RABL2A: variants seen among roughly 807,000 people sequenced by gnomAD.
RABL2A encodes RAB, member of RAS oncogene family like 2A.
A neutral mutation model predicts 30.7 loss-of-function variants in RABL2A; 17 were observed. The observed-to-expected ratio is 0.55, with a 90% CI of 0.38 to 0.83. RABL2A has a LOEUF of 0.83. Among genes scored for constraint, RABL2A ranks in the 40% least tolerant of loss-of-function variants. The pLI is 0.00. For missense variants in RABL2A, 155 were observed against 272.6 expected (o/e 0.57, Z 3.04); for synonymous variants, 64 against 101.8 (o/e 0.63, Z 2.24).
intron 5 of RABL2A, among the ~76,000 whole-genome samples, chr2:113,636,717 G>A (rs1181747726): frequency 2.6e-5 from 4 of 152,178 alleles, no homozygotes; most frequent in East Asian, 1.9e-4. Flanking sequence ...GGCCGGGTGC[G>A]GTGGCTCACG....
At chr2:113,636,083 G>A (rs1436120986) in intron 5 of RABL2A, among the ~76,000 whole-genome samples, 2 of 151,348 alleles carry the variant, frequency 1.3e-5, no homozygotes, top group African/African-American at 4.9e-5. Context: ...ACTCCAGCCT[G>A]GGCAACAAGA....
At chr2:113,627,753 A>C (rs1414523972) in intron 1 of RABL2A, 2 of 248,282 alleles carry the variant, frequency 8.1e-6, no homozygotes, top group African/African-American at 4.6e-5. Context: ...ACTGCACTCC[A>C]GCCTGGGCGA....
At chr2:113,634,622 C>T (rs1288645870) in intron 4 of RABL2A, 7 of 404,566 alleles carry the variant, frequency 1.7e-5, no homozygotes, top group East Asian at 5.6e-5. Flanking sequence ...TCTCCCACAT[C>T]GGGCTGCGAC....
rs1685706896 is a variant in RABL2A at position 113,643,033 on chromosome 2, A to G, written c.*904A>G. The G allele has an allele frequency of 4.9e-6, 2 of 405,610 alleles. No individual in the cohort carries two copies. The highest frequency in any genetic ancestry group is 3.1e-5 in the Admixed American group (1 of 32,356). The allele number at this position is 405,610 out of a possible 1,614,324, so 25.1% of individuals were successfully genotyped here. A position where few individuals can be genotyped will look rare whatever the true frequency, so the allele number is the denominator to read the frequency against. On this transcript the variant is annotated 3_prime_UTR_variant, in exon 9 of 9. Transcript: ENST00000683472. ...CTCTTCTAGGTAAAGCTGAGATCAC[A>G]GGAACAGCAGGTGACAGGCCTAGCT...
chr2:113,630,427 G>A (rs1244303103), intron 2 of RABL2A, among the ~76,000 whole-genome samples: 1 of 152,160 alleles, frequency 6.6e-6, no homozygotes, highest in Non-Finnish European at 1.5e-5. Flanking sequence ...GGTGAGCTAT[G>A]ATTGTGCCAC....
chr2:113,629,692 A>G (rs891348068), intron 2 of RABL2A, among the ~76,000 whole-genome samples: 10 of 151,902 alleles, frequency 6.6e-5, no homozygotes, highest in South Asian at 2.1e-4. Flanking sequence ...CCGCCACCAC[A>G]CCCAGCTAAT....
intron 3 of RABL2A, 37 bp downstream of exon 3, chr2:113,632,981 G>A: frequency 6.2e-7 from 1 of 1,614,120 alleles, no homozygotes; most frequent in Non-Finnish European, 8.5e-7. Flanking sequence ...TTGTTCCTGT[G>A]GGTCTTCCCA....
At chr2:113,637,628 C>T in intron 5 of RABL2A, 1 of 1,222,664 alleles carries the variant, frequency 8.2e-7, no homozygotes, top group Non-Finnish European at 1.1e-6. Flanking sequence ...ATTCCAAAAG[C>T]TTTAACTCTG....
intron 5 of RABL2A, chr2:113,637,719 A>C: frequency 7.9e-7 from 1 of 1,264,140 alleles, no homozygotes; most frequent in African/African-American, 1.5e-5. Context: ...GACCCTCAAG[A>C]GCAGAGGAGC....
intron 1 of RABL2A, chr2:113,627,772 G>C (rs147011994): frequency 0.025 from 5,866 of 236,706 alleles, 89 homozygotes; most frequent in East Asian, 0.063. Context: ...GACAGAGTGA[G>C]ACCCTATCTC....
intron 2 of RABL2A, among the ~76,000 whole-genome samples, chr2:113,628,957 G>C (rs893453245): frequency 7.2e-5 from 11 of 151,844 alleles, no homozygotes; most frequent in African/African-American, 2.4e-4. Context: ...AGAACGTGTG[G>C]AGCAACTGAG....
chr2:113,636,692 A>C (rs1285975685), intron 5 of RABL2A, among the ~76,000 whole-genome samples: 1 of 152,064 alleles, frequency 6.6e-6, no homozygotes, highest in African/African-American at 2.4e-5. Flanking sequence ...GCATACATTA[A>C]TAAAGTCTGC....
At chr2:113,632,893 A>C in intron 2 of RABL2A, 22 bp from the exon 3 acceptor site, 1 of 1,614,156 alleles carries the variant, frequency 6.2e-7, no homozygotes, top group South Asian at 1.1e-5. Context: ...CCATCTGACC[A>C]CCTTGCCTGT....
intron 6 of RABL2A, 62 bp downstream of exon 6, chr2:113,641,067 C>G: frequency 6.7e-7 from 1 of 1,502,986 alleles, no homozygotes; most frequent in Non-Finnish European, 9.2e-7. Flanking sequence ...CATACATTTC[C>G]TCCTCCATTC....
chr2:113,637,715 C>G (rs1407569569), intron 5 of RABL2A: 1 of 1,271,692 alleles, frequency 7.9e-7, no homozygotes, highest in African/African-American at 1.5e-5. Flanking sequence ...GTCTGACCCT[C>G]AAGAGCAGAG....
At chr2:113,637,424 G>A in intron 5 of RABL2A, 1 of 1,092,258 alleles carries the variant, frequency 9.2e-7, no homozygotes, top group Non-Finnish European at 1.1e-6. Flanking sequence ...ATGCACGTGT[G>A]CAGGATGCTG....
chr2:113,634,129 T>C (rs1418159753), intron 3 of RABL2A, 24 bp from the exon 4 acceptor site: 1 of 1,598,082 alleles, frequency 6.3e-7, no homozygotes, highest in Admixed American at 1.7e-5. Context: ...CTTTTATTGA[T>C]TTTGCTCCTT....
chr2:113,636,056 C>T (rs577296794), intron 5 of RABL2A, among the ~76,000 whole-genome samples: 34 of 150,662 alleles, frequency 2.3e-4, no homozygotes, highest in Non-Finnish European at 3.8e-4. Context: ...TGCAGTGAGC[C>T]GAGATCACAC....
intron 3 of RABL2A, chr2:113,633,944 A>C: frequency 8.9e-7 from 1 of 1,126,250 alleles, no homozygotes; most frequent in Non-Finnish European, 1.2e-6. Context: ...ACACACTCTC[A>C]TCTCCTCCCA....
Sources: allele counts gnomAD v4.1 joint callset (sites outside exome capture counted in the v4.1 genomes callset), GRCh38; gene constraint gnomAD v4.1.1; transcripts MANE v1.5; gene names NCBI Gene and HGNC (gene_info 2026-07-23, HGNC 2026-07-21).